The following ZNF704 variants were observed in gnomAD, a reference collection of about 807,000 sequenced individuals.
ZNF704 encodes the protein glucocorticoid induced gene 1.
ZNF704 carries 10 observed loss-of-function variants against 44.7 expected under a neutral mutation model. The observed-to-expected ratio is 0.22, with a 90% CI of 0.14 to 0.38. The LOEUF (loss-of-function observed/expected upper bound fraction) is 0.38. Among genes scored for constraint, ZNF704 ranks in the 10% least tolerant of loss-of-function variants. ZNF704 has a pLI of 1.00. For synonymous variants in ZNF704, 211 were observed against 207.6 expected (o/e 1.02, Z -0.14); for missense variants, 390 against 545.5 (o/e 0.71, Z 2.84).
chr8:80,795,673 G>A (rs961042799), intron 2 of ZNF704, among the ~76,000 whole-genome samples: 2 of 150,336 alleles, frequency 1.3e-5, no homozygotes, highest in Non-Finnish European at 2.9e-5. Context: ...AGCCGAGATC[G>A]TGCCATTGCA....
At chr8:80,846,503 G>C (rs896820109) in intron 1 of ZNF704, among the ~76,000 whole-genome samples, 1 of 151,964 alleles carries the variant, frequency 6.6e-6, no homozygotes, top group East Asian at 1.9e-4. Flanking sequence ...AGGTTTAATG[G>C]GGAAGGACTC....
intron 4 of ZNF704, among the ~76,000 whole-genome samples, chr8:80,671,801 GAC>G (rs1290367666): frequency 6.6e-6 from 1 of 152,168 alleles, no homozygotes; most frequent in Non-Finnish European, 1.5e-5. Flanking sequence ...GATGAGAAGT[GAC>G]ACACATTCCT....
At chr8:80,771,786 T>C (rs1359023437) in intron 2 of ZNF704, among the ~76,000 whole-genome samples, 3 of 152,178 alleles carry the variant, frequency 2.0e-5, no homozygotes, top group East Asian at 3.8e-4. Context: ...TTTCCAATCA[T>C]ATAGGAAAAG....
At chr8:80,654,753 C>A (rs1394002897) in intron 7 of ZNF704, among the ~76,000 whole-genome samples, 2 of 152,198 alleles carry the variant, frequency 1.3e-5, no homozygotes, top group African/African-American at 4.8e-5. Flanking sequence ...GGACTGTAAA[C>A]TAGTTCAACC....
intron 1 of ZNF704, among the ~76,000 whole-genome samples, chr8:80,841,359 G>A (rs1808675626): frequency 6.6e-6 from 1 of 152,288 alleles, no homozygotes; most frequent in Non-Finnish European, 1.5e-5. Flanking sequence ...AATGAGCCAA[G>A]CTACAGTATC....
chr8:80,800,334 T>C (rs573538436), intron 2 of ZNF704, among the ~76,000 whole-genome samples: 1 of 152,052 alleles, frequency 6.6e-6, no homozygotes, highest in African/African-American at 2.4e-5. Flanking sequence ...AGTAAGATAA[T>C]CCATGAGAAG....
At chr8:80,659,718 T>C in intron 6 of ZNF704, 29 bp from the exon 7 acceptor site, 1 of 1,599,688 alleles carries the variant, frequency 6.3e-7, no homozygotes, top group Non-Finnish European at 8.6e-7. Context: ...AGAAAGCTGT[T>C]ATGAAGGAAT....
intron 1 of ZNF704, among the ~76,000 whole-genome samples, chr8:80,840,734 AAAC>A (rs972423838): frequency 6.6e-6 from 1 of 152,174 alleles, no homozygotes; most frequent in African/African-American, 2.4e-5. Flanking sequence ...ACTTCCATCA[AAAC>A]AACAACAAAA....
intron 2 of ZNF704, among the ~76,000 whole-genome samples, chr8:80,747,687 A>G (rs1436571689): frequency 1.9e-4 from 29 of 152,184 alleles, no homozygotes; most frequent in Admixed American, 1.9e-3. Context: ...ACTCTGAACC[A>G]TTTAAGTAGA....
At chr8:80,755,149 C>T (rs1807013427) in intron 2 of ZNF704, among the ~76,000 whole-genome samples, 1 of 152,064 alleles carries the variant, frequency 6.6e-6, no homozygotes, top group African/African-American at 2.4e-5. Context: ...TCTATTGAAA[C>T]CCAAAGCAAA....
chr8:80,819,383 GA>G (rs1808227745), intron 2 of ZNF704, among the ~76,000 whole-genome samples: 1 of 152,026 alleles, frequency 6.6e-6, no homozygotes, highest in Non-Finnish European at 1.5e-5. Flanking sequence ...TGGAATTAAA[GA>G]ATAAAGGTAT....
chr8:80,764,777 T>C (rs1052958888), intron 2 of ZNF704, among the ~76,000 whole-genome samples: 2 of 152,216 alleles, frequency 1.3e-5, no homozygotes, highest in Admixed American at 6.5e-5. Context: ...TCTTTCACCA[T>C]TAAGAGAGCC....
intron 2 of ZNF704, among the ~76,000 whole-genome samples, chr8:80,805,444 C>G (rs949230921): frequency 3.3e-5 from 5 of 152,114 alleles, no homozygotes; most frequent in African/African-American, 1.2e-4. Context: ...TATGGGGGAC[C>G]CAGCCTTGAG....
At chr8:80,776,393 C>CA (rs1359674151) in intron 2 of ZNF704, among the ~76,000 whole-genome samples, 1 of 152,128 alleles carries the variant, frequency 6.6e-6, no homozygotes, top group Non-Finnish European at 1.5e-5. Flanking sequence ...TTTTTAAAGG[C>CA]AATTTTAAGT....
chr8:80,636,348 A>G lies in ZNF704; in HGVS notation c.*5018T>C, dbSNP rs1817662763. 6.6e-6 allele frequency: 1 copy of G among 152,238 alleles called. No homozygotes were observed. The highest frequency in any genetic ancestry group is 1.5e-5 in the Non-Finnish European group (1 of 68,042). 9.4% of individuals were successfully genotyped at this position (152,238 alleles called of 1,614,324 possible). Reference sequence around the variant, plus strand: ...AATTCCCATTTTGGTTCCTGGTCCTACGATAGATATACCTTTTAAAGCATG... The same window carrying G: ...AATTCCCATTTTGGTTCCTGGTCCTGCGATAGATATACCTTTTAAAGCATG... On this transcript the variant is annotated 3_prime_UTR_variant, in exon 9 of 9. Transcript: ENST00000327835.
rs73260970 is a variant in ZNF704 at position 80,660,781 on chromosome 8, C to T, written c.928-1092G>A. 5.3e-3 allele frequency among the ~76,000 whole-genome samples: 806 copies of T among 152,254 alleles called. 6 individuals carry two copies. Among genetic ancestry groups the T allele is most frequent in the African/African-American group, 0.018 (762 of 41,548 alleles). ...ACCCCTAGCTCTTGTCATTTACAAA[C>T]ATCCACTCAAAATGGATTAAAAACT... On this transcript the variant is annotated intron_variant, in intron 6 of 8. Coordinates refer to ENST00000327835, the MANE Select transcript of ZNF704 (RefSeq NM_001033723.3).
At chr8:80,727,971 G>C (rs1218470038) in intron 2 of ZNF704, among the ~76,000 whole-genome samples, 1 of 152,010 alleles carries the variant, frequency 6.6e-6, no homozygotes, top group Non-Finnish European at 1.5e-5. Context: ...AAGGTAACCA[G>C]CATTCTTCAA....
intron 2 of ZNF704, among the ~76,000 whole-genome samples, chr8:80,819,738 A>T (rs1229520871): frequency 6.6e-6 from 1 of 152,186 alleles, no homozygotes; most frequent in Non-Finnish European, 1.5e-5. Context: ...TACGAAAAAC[A>T]TTAGAAAAGC....
chr8:80,694,068 A>C (rs537547989), intron 2 of ZNF704, among the ~76,000 whole-genome samples: 1 of 152,282 alleles, frequency 6.6e-6, no homozygotes, highest in East Asian at 1.9e-4. Context: ...GGAGCGAGGA[A>C]GGCTGTCAGG....
Sources: gnomAD v4.1 joint callset for allele counts (sites outside exome capture counted in the v4.1 genomes callset) on GRCh38, gnomAD v4.1.1 for gene constraint, MANE v1.5 for transcripts, NCBI Gene and HGNC (gene_info 2026-07-23, HGNC 2026-07-21) for gene names.